The following HSD17B4 variants were observed in gnomAD, a reference collection of about 807,000 sequenced individuals.
The protein encoded by HSD17B4 is hydroxysteroid 17-beta dehydrogenase 4.
HSD17B4 carries 70 observed loss-of-function variants against 101.0 expected under a neutral mutation model. The observed-to-expected ratio is 0.69, with a 90% CI of 0.57 to 0.85. The LOEUF is 0.85. Ranked by LOEUF, HSD17B4 falls within the 40% of genes least tolerant of loss-of-function variation. The pLI, the probability that HSD17B4 is intolerant of heterozygous loss-of-function variation, is 0.00. For missense variants in HSD17B4, 984 were observed against 892.4 expected (o/e 1.10, Z -1.31); for synonymous variants, 347 against 297.1 (o/e 1.17, Z -1.73).
intron 2 of HSD17B4, among the ~76,000 whole-genome samples, chr5:119,457,164 C>A (rs948336456): frequency 2.6e-5 from 4 of 152,126 alleles, no homozygotes; most frequent in Non-Finnish European, 4.4e-5. Flanking sequence ...ACGAATTTGT[C>A]CACAACTGAG....
At chr5:119,510,331 A>C (rs1235128300) in intron 16 of HSD17B4, among the ~76,000 whole-genome samples, 4 of 152,234 alleles carry the variant, frequency 2.6e-5, no homozygotes, top group Non-Finnish European at 5.9e-5. Flanking sequence ...AAAGGACCTA[A>C]GTATTTCTCT....
intron 22 of HSD17B4, among the ~76,000 whole-genome samples, chr5:119,534,852 G>A (rs1754407274): frequency 6.6e-6 from 1 of 152,066 alleles, no homozygotes; most frequent in African/African-American, 2.4e-5. Context: ...GCTCCTGACT[G>A]CGTGCTCATG....
chr5:119,527,100 A>G (rs200076272), intron 19 of HSD17B4, 33 bp from the exon 20 acceptor site: 269 of 1,326,278 alleles, frequency 2.0e-4, no homozygotes, highest in Admixed American at 3.4e-4. Context: ...TTTCCTTTTA[A>G]AACATTTTTA....
chr5:119,514,885 T>G lies in HSD17B4; in HGVS notation c.1438-96T>G, dbSNP rs181343130. The G allele has an allele frequency of 6.0e-5, 47 of 783,746 alleles. No homozygotes were observed. In the African/African-American group the frequency reaches 7.1e-4, roughly 12 times the overall value. The allele number at this position is 783,746 out of a possible 1,614,324, so 48.5% of individuals were successfully genotyped here. ...CTTTTATCCAATTTGCAGAGTTTAT[T>G]GTATTGAAACATGATTGTGTATCAA... On this transcript the variant is annotated intron_variant, in intron 16 of 23. Coordinates refer to ENST00000510025, the MANE Select transcript of HSD17B4 (RefSeq NM_000414.4).
chr5:119,470,784 G>A (rs1561437099), intron 2 of HSD17B4, among the ~76,000 whole-genome samples: 1 of 152,112 alleles, frequency 6.6e-6, no homozygotes, highest in Non-Finnish European at 1.5e-5. Context: ...ACAAGGATTG[G>A]GCACCTCTAG....
chr5:119,470,487 T>G (rs1464790754), intron 2 of HSD17B4, among the ~76,000 whole-genome samples: 4 of 152,198 alleles, frequency 2.6e-5, no homozygotes, highest in African/African-American at 9.6e-5. Flanking sequence ...CTGTGTATAC[T>G]CCAGGCAGGT....
chr5:119,511,850 A>G (rs1752202249), intron 16 of HSD17B4, among the ~76,000 whole-genome samples: 2 of 151,994 alleles, frequency 1.3e-5, no homozygotes, highest in African/African-American at 2.4e-5. Flanking sequence ...ACAAAAAATT[A>G]TAAGATATGG....
chr5:119,523,668 TG>T (rs1271148828), intron 17 of HSD17B4, among the ~76,000 whole-genome samples: 1 of 152,192 alleles, frequency 6.6e-6, no homozygotes, highest in African/African-American at 2.4e-5. Context: ...ATGATATATG[TG>T]GGATAAGAAT....
chr5:119,488,920 TC>T (rs1229804242), intron 8 of HSD17B4, among the ~76,000 whole-genome samples: 1 of 152,172 alleles, frequency 6.6e-6, no homozygotes, highest in Admixed American at 6.6e-5. Flanking sequence ...TCTAGGCAGT[TC>T]TAACTTTTCT....
Position 119,506,950 on chromosome 5 carries a change from A to G in HSD17B4, c.1333+61A>G, listed in dbSNP as rs1328255158. ...GATTGATAGGCTTTGTGTATGACAT[A>G]ATACTTCACCATAGAAGTTGATTAA... On this transcript the variant is annotated intron_variant, in intron 15 of 23. Transcript: ENST00000510025. 1.1e-5 allele frequency: 9 copies of G among 836,214 alleles called. No homozygotes were observed. In the Admixed American group the frequency reaches 1.1e-4, roughly 11 times the overall value. The allele number at this position is 836,214 out of a possible 1,614,324, so 51.8% of individuals were successfully genotyped here. A position where few individuals can be genotyped will look rare whatever the true frequency, so the allele number is the denominator to read the frequency against.
chr5:119,455,863 G>A (rs1754582153), intron 1 of HSD17B4, among the ~76,000 whole-genome samples: 2 of 152,142 alleles, frequency 1.3e-5, no homozygotes, highest in Admixed American at 1.3e-4. Context: ...CTAGGGACCT[G>A]AAGTATGGAA....
intron 22 of HSD17B4, among the ~76,000 whole-genome samples, chr5:119,533,614 GAGA>G (rs1469781073): frequency 6.6e-6 from 1 of 152,072 alleles, no homozygotes; most frequent in African/African-American, 2.4e-5. Flanking sequence ...AGGTTTGGGA[GAGA>G]AGAAGGTAAG....
At chr5:119,511,282 G>A (rs1752146386) in intron 16 of HSD17B4, among the ~76,000 whole-genome samples, 1 of 152,164 alleles carries the variant, frequency 6.6e-6, no homozygotes, top group African/African-American at 2.4e-5. Context: ...AACAAGGTGT[G>A]ACTGTAGTGA....
Position 119,474,392 on chromosome 5 carries a change from T to C in HSD17B4, c.221-9T>C. 1 of 1,598,804 alleles carries C rather than the reference T, an allele frequency of 6.3e-7. No individual in the cohort carries two copies. ...GCCGAAATTTCATACAAATTTTCCTTTCCCTCAGATTCAGTGGAAGAAGGA... is the reference window on the plus strand; with the variant it reads ...GCCGAAATTTCATACAAATTTTCCTCTCCCTCAGATTCAGTGGAAGAAGGA... On this transcript the variant is annotated splice_polypyrimidine_tract_variant and intron_variant, in intron 3 of 23. Transcript: ENST00000510025.
At chr5:119,485,766 A>T (rs1749562003) in intron 8 of HSD17B4, among the ~76,000 whole-genome samples, 1 of 152,180 alleles carries the variant, frequency 6.6e-6, no homozygotes, top group Non-Finnish European at 1.5e-5. Flanking sequence ...TTCTTACATG[A>T]AATAAAATAA....
intron 8 of HSD17B4, among the ~76,000 whole-genome samples, chr5:119,483,097 GA>G (rs1156301342): frequency 4.6e-5 from 7 of 152,076 alleles, no homozygotes; most frequent in Admixed American, 4.6e-4. Flanking sequence ...TCCAAAGCAT[GA>G]GGGGATTTTT....
At chr5:119,484,349 C>G (rs1471624988) in intron 8 of HSD17B4, among the ~76,000 whole-genome samples, 1 of 152,202 alleles carries the variant, frequency 6.6e-6, no homozygotes, top group African/African-American at 2.4e-5. Context: ...TCTGGCTTCT[C>G]TGTTCTATTC....
chr5:119,517,412 C>T (rs1232933733), intron 17 of HSD17B4, among the ~76,000 whole-genome samples: 2 of 152,214 alleles, frequency 1.3e-5, no homozygotes, highest in African/African-American at 4.8e-5. Flanking sequence ...TCCTGTGCAG[C>T]TCGAGCCTCC....
At chr5:119,501,701 A>G (rs1278525108) in intron 13 of HSD17B4, among the ~76,000 whole-genome samples, 1 of 152,120 alleles carries the variant, frequency 6.6e-6, no homozygotes, top group Non-Finnish European at 1.5e-5. Context: ...TATTTATTGG[A>G]TGCCCAATAT....
Sources: allele counts gnomAD v4.1 joint callset (sites outside exome capture counted in the v4.1 genomes callset), GRCh38; gene constraint gnomAD v4.1.1; transcripts MANE v1.5; gene names NCBI Gene and HGNC (gene_info 2026-07-23, HGNC 2026-07-21).